Variants in SGCZ observed in about 807,000 individuals in gnomAD.
SGCZ encodes sarcoglycan zeta, also known as zeta-sarcoglycan.
A neutral mutation model predicts 41.3 loss-of-function variants in SGCZ; 40 were observed. That is an observed-to-expected ratio of 0.97 (90% confidence interval 0.75 to 1.26). SGCZ has a LOEUF of 1.26. Ranked by LOEUF, SGCZ falls within the 50% of genes most tolerant of loss-of-function variation. The probability of loss-of-function intolerance (pLI) is 0.00; values close to 1 mark genes in which losing one functional copy is unlikely to be tolerated. For synonymous variants in SGCZ, 206 were observed against 137.5 expected, an observed-to-expected ratio of 1.50 and a Z score of -3.49; for missense variants, 552 against 369.8, an observed-to-expected ratio of 1.49 and a Z score of -4.04.
intron 1 of SGCZ, among the ~76,000 whole-genome samples, chr8:15,203,244 T>G (rs775754416): frequency 2.6e-5 from 4 of 152,240 alleles, no homozygotes; most frequent in African/African-American, 4.8e-5. Context: ...TTGCTTATTG[T>G]AAGTAAATTT....
intron 1 of SGCZ, among the ~76,000 whole-genome samples, chr8:14,816,484 T>A (rs1367883680): frequency 6.6e-6 from 1 of 152,234 alleles, no homozygotes; most frequent in Non-Finnish European, 1.5e-5. Context: ...TGTAGGTATA[T>A]AACTGTGAAA....
In SGCZ at chr8:14,263,828, A is replaced by G. The variant is rs573855864; in HGVS notation, c.337-26149T>C. On this transcript the variant is annotated intron_variant, in intron 3 of 7. Transcript: ENST00000382080. ...CACTGCCATCTTCACCCCTCTCCCA[A>G]CTCCAAGAAGCACAACTCAGAGACA... 3.8e-4 allele frequency among the ~76,000 whole-genome samples: 58 copies of G among 152,234 alleles called. 1 individual carries two copies. The highest frequency in any genetic ancestry group is 1.3e-3 in the African/African-American group (56 of 41,546).
At chr8:14,291,317 A>C (rs1800833555) in intron 3 of SGCZ, among the ~76,000 whole-genome samples, 1 of 148,226 alleles carries the variant, frequency 6.7e-6, no homozygotes, top group South Asian at 2.3e-4. Flanking sequence ...TCTTACTGCA[A>C]AGAAATGATA....
chr8:14,656,345 T>G (rs1167621939), intron 1 of SGCZ, among the ~76,000 whole-genome samples: 3 of 150,244 alleles, frequency 2.0e-5, no homozygotes, highest in Non-Finnish European at 4.4e-5. Flanking sequence ...CTCCCTTCCT[T>G]CTCTCCTTCC....
chr8:14,903,407 C>A (rs927364924), intron 1 of SGCZ, among the ~76,000 whole-genome samples: 2 of 151,910 alleles, frequency 1.3e-5, no homozygotes, highest in African/African-American at 4.8e-5. Context: ...AATATACTGG[C>A]TTAGGTTTGT....
At chr8:14,657,560 T>C (rs991938494) in intron 1 of SGCZ, among the ~76,000 whole-genome samples, 5 of 152,130 alleles carry the variant, frequency 3.3e-5, no homozygotes, top group Admixed American at 2.0e-4. Context: ...AAAGTATACA[T>C]TTATTCTTTT....
intron 1 of SGCZ, among the ~76,000 whole-genome samples, chr8:14,865,401 A>G (rs1296296871): frequency 2.6e-5 from 4 of 151,744 alleles, no homozygotes; most frequent in Non-Finnish European, 5.9e-5. Context: ...ATAGAAAGCC[A>G]AAGATTTCTC....
At chr8:14,120,811 T>C (rs1159733470) in intron 5 of SGCZ, among the ~76,000 whole-genome samples, 1 of 152,130 alleles carries the variant, frequency 6.6e-6, no homozygotes, top group African/African-American at 2.4e-5. Context: ...AAGTATAACA[T>C]AACCATATGT....
chr8:15,152,268 A>G (rs2117020264), intron 1 of SGCZ, among the ~76,000 whole-genome samples: 1 of 152,370 alleles, frequency 6.6e-6, no homozygotes, highest in East Asian at 1.9e-4. Context: ...AGGAATAGTT[A>G]AAACATGATG....
chr8:14,643,832 C>T (rs1412485670), intron 1 of SGCZ, among the ~76,000 whole-genome samples: 5 of 151,618 alleles, frequency 3.3e-5, no homozygotes, highest in African/African-American at 9.7e-5. Flanking sequence ...GTCACAGAAA[C>T]CCTCTTTTCA....
At chr8:14,463,478 A>C (rs189933190) in intron 2 of SGCZ, among the ~76,000 whole-genome samples, 1 of 151,350 alleles carries the variant, frequency 6.6e-6, no homozygotes, top group Non-Finnish European at 1.5e-5. Flanking sequence ...TACCATATAT[A>C]ACAAAATTAA....
At chr8:14,615,836 AG>A (rs1806082195) in intron 1 of SGCZ, among the ~76,000 whole-genome samples, 1 of 152,208 alleles carries the variant, frequency 6.6e-6, no homozygotes, top group Non-Finnish European at 1.5e-5. Context: ...TACATGTGCA[AG>A]TGTCAATTCT....
At chr8:14,459,712 A>G (rs1032087538) in intron 2 of SGCZ, among the ~76,000 whole-genome samples, 3 of 152,200 alleles carry the variant, frequency 2.0e-5, no homozygotes, top group Admixed American at 6.5e-5. Flanking sequence ...TAAAACATGT[A>G]TATTTTGTAA....
intron 1 of SGCZ, among the ~76,000 whole-genome samples, chr8:15,102,998 C>T (rs1434538648): frequency 6.6e-6 from 1 of 152,046 alleles, no homozygotes; most frequent in African/African-American, 2.4e-5. Flanking sequence ...GTAATTATTA[C>T]ATAACAATAT....
intron 4 of SGCZ, among the ~76,000 whole-genome samples, chr8:14,187,362 A>C (rs1804939922): frequency 6.6e-6 from 1 of 152,204 alleles, no homozygotes; most frequent in Non-Finnish European, 1.5e-5. Flanking sequence ...AAAAGCAGGC[A>C]ACAGAAACTG....
At chr8:14,641,613 C>G (rs1200538867) in intron 1 of SGCZ, among the ~76,000 whole-genome samples, 1 of 151,566 alleles carries the variant, frequency 6.6e-6, no homozygotes, top group African/African-American at 2.4e-5. Context: ...AAATATTACT[C>G]AAGTATTATT....
intron 1 of SGCZ, among the ~76,000 whole-genome samples, chr8:14,993,568 C>T (rs1158513604): frequency 6.6e-6 from 1 of 152,104 alleles, no homozygotes; most frequent in Non-Finnish European, 1.5e-5. Context: ...GGGATACATA[C>T]TCAAAATGTG....
intron 7 of SGCZ, among the ~76,000 whole-genome samples, chr8:14,097,073 A>C (rs1801869524): frequency 6.6e-6 from 1 of 152,012 alleles, no homozygotes; most frequent in Admixed American, 6.6e-5. Context: ...GATTTTTTGA[A>C]GAGTTTTTTT....
chr8:14,342,264 T>G (rs535178006), intron 2 of SGCZ, among the ~76,000 whole-genome samples: 21 of 152,212 alleles, frequency 1.4e-4, no homozygotes, highest in Non-Finnish European at 2.6e-4. Context: ...CCCTAGAGAT[T>G]TGTGGAACTT....
Sources: gnomAD v4.1 joint callset for allele counts (sites outside exome capture counted in the v4.1 genomes callset) on GRCh38, gnomAD v4.1.1 for gene constraint, MANE v1.5 for transcripts, NCBI Gene and HGNC (gene_info 2026-07-23, HGNC 2026-07-21) for gene names.